KCNQ2: variants seen among roughly 807,000 people sequenced by gnomAD.
KCNQ2 encodes potassium voltage-gated channel subfamily Q member 2.
In KCNQ2, 14 loss-of-function variants were observed where a neutral mutation model predicts 84.8. The ratio of observed to expected loss-of-function variants is 0.17; its 90% CI spans 0.11 to 0.26. The LOEUF (loss-of-function observed/expected upper bound fraction) is 0.26, where lower values mean the gene tolerates loss of function less well. Among genes scored for constraint, KCNQ2 ranks in the 10% least tolerant of loss-of-function variants. The pLI is 1.00. For missense variants in KCNQ2, 788 were observed against 1,254.0 expected (o/e 0.63, Z 5.61); for synonymous variants, 599 against 554.1 (o/e 1.08, Z -1.14).
chr20:63,415,051 C>T lies in KCNQ2; in HGVS notation c.1377G>A (p.Gln459=). ...GVAAKGKGSP[Q]AQTVRRSPSA... ...TGGGTGACCGCCTCACAGTCTGGGC[C>T]TGCGGGGACCCCTTCCCCTTGGCAG... Residue 459 remains glutamine (Q), a synonymous_variant, in exon 13 of 17, where the codon CAG becomes CAA. Coordinates refer to ENST00000359125, the MANE Select transcript of KCNQ2 (RefSeq NM_172107.4). The T allele has an allele frequency of 6.2e-7, 1 of 1,608,208 alleles. No individual in the cohort carries two copies. The highest frequency in any genetic ancestry group is 8.5e-7 in the Non-Finnish European group (1 of 1,179,910).
chr20:63,454,081 C>T (rs78561607), intron 1 of KCNQ2, among the ~76,000 whole-genome samples: 13,628 of 152,288 alleles, frequency 0.089, 1,138 homozygotes, highest in East Asian at 0.46. Context: ...AGACAGAATG[C>T]AGCCGGATGC....
At chr20:63,472,068 G>A in intron 1 of KCNQ2, 100 bp downstream of exon 1, 1 of 860,962 alleles carries the variant, frequency 1.2e-6, no homozygotes, top group African/African-American at 1.8e-5. Flanking sequence ...CCAGGGGCAG[G>A]GAGCCAAACC....
chr20:63,468,193 G>A (rs1003831105), intron 1 of KCNQ2, among the ~76,000 whole-genome samples: 3 of 152,192 alleles, frequency 2.0e-5, no homozygotes, highest in African/African-American at 7.2e-5. Context: ...ACAACTCTCC[G>A]AGGCTTCTTC....
intron 1 of KCNQ2, among the ~76,000 whole-genome samples, chr20:63,461,247 C>T (rs960075898): frequency 6.6e-6 from 1 of 152,200 alleles, no homozygotes; most frequent in African/African-American, 2.4e-5. Flanking sequence ...AGGCCAAGGC[C>T]CCCCCAACTT....
At chr20:63,436,166 C>T (rs906297884) in intron 7 of KCNQ2, among the ~76,000 whole-genome samples, 2 of 152,188 alleles carry the variant, frequency 1.3e-5, no homozygotes, top group Non-Finnish European at 2.9e-5. Context: ...AACAGAATCG[C>T]ATGCTGCAGA....
chr20:63,421,565 C>G (rs2080471043), intron 11 of KCNQ2, among the ~76,000 whole-genome samples: 1 of 152,218 alleles, frequency 6.6e-6, no homozygotes, highest in South Asian at 2.1e-4. Context: ...CGAGGTCGGA[C>G]AGGCGGACAG....
At chr20:63,465,915 C>T (rs573736241) in intron 1 of KCNQ2, among the ~76,000 whole-genome samples, 2 of 152,358 alleles carry the variant, frequency 1.3e-5, no homozygotes, top group South Asian at 4.1e-4. Flanking sequence ...CGTGTCGGTG[C>T]TGAGGCGTCC....
At position 63,400,957 on chromosome 20, in the gene KCNQ2, C is replaced by T. The variant is rs1176597675; in HGVS notation, c.*5687G>A. On this transcript the variant is annotated 3_prime_UTR_variant, in exon 17 of 17. Coordinates refer to ENST00000359125, the MANE Select transcript of KCNQ2 (RefSeq NM_172107.4). The surrounding 1 kb of genome is among the most constrained non-coding windows in gnomAD (Gnocchi z 8.7). ...TTCCTGTCCACATGCATTAAGGCAA[C>T]GACTTTGTAAAACCCAGGCGGAGTT... 5 of 397,840 alleles carry T rather than the reference C, an allele frequency of 1.3e-5. No homozygotes were observed. The highest frequency in any genetic ancestry group is 2.2e-5 in the Non-Finnish European group (5 of 225,684). The allele number at this position is 397,840 out of a possible 1,614,324, so 24.6% of individuals were successfully genotyped here.
chr20:63,432,079 G>A (rs1334647343), intron 8 of KCNQ2, among the ~76,000 whole-genome samples: 1 of 146,964 alleles, frequency 6.8e-6, no homozygotes, highest in Admixed American at 6.7e-5. Context: ...CACAGGGAAG[G>A]CCCCACCCAC....
intron 12 of KCNQ2, among the ~76,000 whole-genome samples, chr20:63,418,203 G>A (rs760134332): frequency 7.2e-5 from 11 of 152,196 alleles, no homozygotes; most frequent in South Asian, 2.1e-4. Context: ...ACAAGCGCAC[G>A]CGAAAAGCTG....
chr20:63,464,607 C>T (rs1003162488), intron 1 of KCNQ2, among the ~76,000 whole-genome samples: 1 of 152,172 alleles, frequency 6.6e-6, no homozygotes, highest in African/African-American at 2.4e-5. Context: ...AGGCCCACTG[C>T]TAACAGGAGA....
In KCNQ2 at chr20:63,408,563, T is replaced by A. The variant is rs2080019504; in HGVS notation, c.1764-27A>T. The A allele has an allele frequency of 6.2e-7, 1 of 1,608,302 alleles. No homozygotes were observed. The highest frequency in any genetic ancestry group is 1.3e-5 in the African/African-American group (1 of 75,024). ...TACCGGGAACAGAGACCCCAAAGCA[T>A]GAGTTCGGGTGGGTGCAGCAGGGCC... is the stretch of plus-strand genomic sequence containing the variant. On this transcript the variant is annotated intron_variant, in intron 15 of 16. Coordinates refer to ENST00000359125, the MANE Select transcript of KCNQ2 (RefSeq NM_172107.4). The surrounding 1 kb of genome is among the most constrained non-coding windows in gnomAD (Gnocchi z 5.0).
rs978774339 is a variant in KCNQ2, at chr20:63,401,094, C to G, written c.*5550G>C. 2.8e-5 allele frequency: 11 copies of G among 387,280 alleles called. No individual in the cohort carries two copies. The highest frequency in any genetic ancestry group is 6.4e-4 in the Middle Eastern group (1 of 1,558). 24.0% of individuals were successfully genotyped at this position (387,280 alleles called of 1,614,324 possible). ...CGCTGAGGACCTCTCAGGACGGGGC[C>G]CCTGGCCAGAGCCAGTCTCCTCGGC... On this transcript the variant is annotated 3_prime_UTR_variant, in exon 17 of 17. Coordinates refer to ENST00000359125, the MANE Select transcript of KCNQ2 (RefSeq NM_172107.4).
chr20:63,442,577 C>T, intron 4 of KCNQ2, 46 bp from the exon 5 acceptor site: 2 of 1,599,882 alleles, frequency 1.3e-6, no homozygotes, highest in East Asian at 2.2e-5. Context: ...TCACCAGAAG[C>T]ATCACCATCA....
rs2081920176 is a variant in KCNQ2 at position 63,460,453 on chromosome 20, C to G, written c.296+11715G>C. 6.6e-6 allele frequency among the ~76,000 whole-genome samples: 1 copy of G among 152,200 alleles called. No homozygotes were observed. Among genetic ancestry groups the G allele is most frequent in the South Asian group, 2.1e-4 (1 of 4,812 alleles). On this transcript the variant is annotated intron_variant, in intron 1 of 16. Coordinates refer to ENST00000359125, the MANE Select transcript of KCNQ2 (RefSeq NM_172107.4). The surrounding 1 kb of genome is among the most constrained non-coding windows in gnomAD (Gnocchi z 5.4). ...CGAGGCTCCCAGCAGGCCTTCCCCC[C>G]CACAGCCCCCTGAGACAGCCACGCC...
At chr20:63,435,438 G>A (rs958627223) in intron 7 of KCNQ2, among the ~76,000 whole-genome samples, 49 of 151,676 alleles carry the variant, frequency 3.2e-4, no homozygotes, top group Admixed American at 2.4e-3. Context: ...GCCTGAAGAC[G>A]GGACTGAACT....
chr20:63,408,685 T>A lies in KCNQ2; in HGVS notation c.1764-149A>T. Reference sequence around the variant, plus strand: ...AGGGGGCAGTGGGTGCCAGGACAGATGGACGGGGTGCGCCCCGTTCTCAGC... The same window carrying A: ...AGGGGGCAGTGGGTGCCAGGACAGAAGGACGGGGTGCGCCCCGTTCTCAGC... On this transcript the variant is annotated intron_variant, in intron 15 of 16. Transcript: ENST00000359125. This position sits in a 1 kb window ranked among gnomAD's most constrained non-coding sequence, Gnocchi z 5.0. 8.1e-7 allele frequency: 1 copy of A among 1,237,650 alleles called. No homozygotes were observed. 76.7% of individuals were successfully genotyped at this position (1,237,650 alleles called of 1,614,324 possible). A position where few individuals can be genotyped will look rare whatever the true frequency, so the allele number is the denominator to read the frequency against.
chr20:63,424,071 C>T (rs2080555414), intron 11 of KCNQ2, 106 bp downstream of exon 11: 2 of 1,294,562 alleles, frequency 1.5e-6, no homozygotes, highest in Non-Finnish European at 2.2e-6. Flanking sequence ...CACGGAAGCA[C>T]ACACAAGGCC....
chr20:63,437,054 C>T (rs1022373149), intron 7 of KCNQ2, among the ~76,000 whole-genome samples: 3 of 152,220 alleles, frequency 2.0e-5, no homozygotes, highest in African/African-American at 7.2e-5. Context: ...GCTGGGATTA[C>T]AGGTGGGAGC....
Sources: gnomAD v4.1 joint callset for allele counts (sites outside exome capture counted in the v4.1 genomes callset) on GRCh38, gnomAD v4.1.1 for gene constraint, Gnocchi (gnomAD v3.1) non-coding constraint, MANE v1.5 for transcripts, NCBI Gene and HGNC (gene_info 2026-07-23, HGNC 2026-07-21) for gene names.